VPS16: variants seen among roughly 807,000 people sequenced by gnomAD.
VPS16 encodes vacuolar protein sorting-associated protein 16 homolog.
In VPS16, 82 loss-of-function variants were observed where a neutral mutation model predicts 116.0. The ratio of observed to expected loss-of-function variants is 0.71; its 90% CI spans 0.59 to 0.85. VPS16 has a LOEUF of 0.85. VPS16 is among the 40% of genes least tolerant of loss of function. The pLI, the probability that VPS16 is intolerant of heterozygous loss-of-function variation, is 0.00. For synonymous variants in VPS16, 406 were observed against 420.7 expected (o/e 0.96, Z 0.43); for missense variants, 928 against 1,090.6 (o/e 0.85, Z 2.10).
At chr20:2,859,639 G>C in intron 1 of VPS16, 80 bp from the exon 2 acceptor site, 1 of 1,468,790 alleles carries the variant, frequency 6.8e-7, no homozygotes, top group African/African-American at 1.4e-5. Context: ...ACAAATGGAG[G>C]CTTTAGGAAT....
rs746215116 is a variant in VPS16, at chr20:2,862,846, C to G, written c.1243C>G (p.Pro415Ala). The G allele has an allele frequency of 1.2e-6, 2 of 1,614,016 alleles. No homozygotes were observed. The highest frequency in any genetic ancestry group is 3.3e-5 in the Admixed American group (2 of 60,010). ...AAAGTGTTTCCTGGACAGATTTCCA[C>G]CCGACAGCTTCGTGCACATGTGTCA... ...FGKCFLDRFP[P>A]DSFVHMCQDL... is the part of the protein sequence containing the mutation. The change falls in exon 13 of 24, where the codon CCC becomes GCC. Residue 415 changes from proline (P) to alanine (A), a missense_variant. Coordinates refer to ENST00000380445, the MANE Select transcript of VPS16 (RefSeq NM_022575.4).
At position 2,863,478 on chromosome 20, in the gene VPS16, C is replaced by G. The variant is rs983671901; in HGVS notation, c.1476+80C>G. 2.8e-6 allele frequency: 4 copies of G among 1,419,024 alleles called. No homozygotes were observed. The African/African-American group carries it at 5.6e-5, about 20-fold the overall frequency. 87.9% of individuals were successfully genotyped at this position (1,419,024 alleles called of 1,614,324 possible). A position where few individuals can be genotyped will look rare whatever the true frequency, so the allele number is the denominator to read the frequency against. On this transcript the variant is annotated intron_variant, in intron 15 of 23. Transcript: ENST00000380445. This position sits in a 1 kb window ranked among gnomAD's most constrained non-coding sequence, Gnocchi z 4.4. The stretch of plus-strand genomic sequence containing the variant: ...GGTGGAGGAAATAGAAAGTGTAGAA[C>G]TGCGCTGGGCACGGTGGCTCATGCC...
chr20:2,860,813 G>T lies in VPS16; in HGVS notation c.580G>T (p.Ala194Ser). The T allele has an allele frequency of 6.2e-7, 1 of 1,614,074 alleles. No homozygotes were observed. Residue 194 changes from alanine (A) to serine (S), a missense_variant, in exon 6 of 24, where the codon GCT becomes TCT. Coordinates refer to ENST00000380445, the MANE Select transcript of VPS16 (RefSeq NM_022575.4). This position sits in a 1 kb window ranked among gnomAD's most constrained non-coding sequence, Gnocchi z 6.1. ...CQDRVAHILL[A>S]VGPDLYLLDH... ...GGACCGAGTGGCACACATTCTTCTGGCTGTGGGGCCTGACCTTTACCTCTT... is the reference window on the plus strand; with the variant it reads ...GGACCGAGTGGCACACATTCTTCTGTCTGTGGGGCCTGACCTTTACCTCTT...
At chr20:2,848,705 G>A (rs748896284) in intron 1 of VPS16, among the ~76,000 whole-genome samples, 3 of 152,204 alleles carry the variant, frequency 2.0e-5, no homozygotes, top group Non-Finnish European at 4.4e-5. Context: ...TCTTTGCTAT[G>A]AAATGAGGTC....
chr20:2,860,505 CG>C lies in VPS16; in HGVS notation c.428del (p.Gly143GlufsTer68). The C allele has an allele frequency of 6.2e-7, 1 of 1,613,988 alleles. No individual in the cohort carries two copies. Among genetic ancestry groups the C allele is most frequent in the Non-Finnish European group, 8.5e-7 (1 of 1,180,008 alleles). ...GGATCTTTCACACTGAGTTTGGTTC[CG>C]GAGTGGCCATCCTCACAGGGGCCCA... ...ARIFHTEFGSGVAILTGAHRF... is the reference protein window; with the variant it reads ...ARIFHTEFGSXVAILTGAHRF... On this transcript the variant is annotated frameshift_variant, in exon 5 of 24. Transcript: ENST00000380445. LOFTEE classifies it high-confidence loss of function. The surrounding 1 kb of genome is among the most constrained non-coding windows in gnomAD (Gnocchi z 6.1).
chr20:2,854,795 C>CAAAA (rs200987248), intron 1 of VPS16, among the ~76,000 whole-genome samples: 1 of 130,916 alleles, frequency 7.6e-6, no homozygotes, highest in Non-Finnish European at 1.6e-5. Context: ...GACTCCATCT[C>CAAAA]AAAAAAAAAA....
At chr20:2,843,222 A>C (rs1295371105) in intron 1 of VPS16, among the ~76,000 whole-genome samples, 1 of 151,980 alleles carries the variant, frequency 6.6e-6, no homozygotes, top group African/African-American at 2.4e-5. Flanking sequence ...TCACGAGGTC[A>C]AGAGTTCGAG....
intron 1 of VPS16, among the ~76,000 whole-genome samples, chr20:2,842,647 G>GATATAGATAGATATATAGATGTATCTAT (rs2088993528): frequency 2.3e-5 from 2 of 86,332 alleles, no homozygotes; most frequent in African/African-American, 5.1e-5. Context: ...TAGATAGATA[G>GATATAGATAGATATATAGATGTATCTAT]ATATAGATAG....
intron 1 of VPS16, among the ~76,000 whole-genome samples, chr20:2,859,067 G>A (rs1432236184): frequency 6.6e-6 from 1 of 152,146 alleles, no homozygotes; most frequent in Admixed American, 6.5e-5. Flanking sequence ...GGAGGCCAGG[G>A]TAGGAGGATT....
rs1450722437 is a variant in VPS16 at position 2,864,965 on chromosome 20, C to A, written c.1927-13C>A. The A allele has an allele frequency of 1.9e-6, 3 of 1,614,184 alleles. No individual in the cohort carries two copies. The highest frequency in any genetic ancestry group is 1.7e-6 in the Non-Finnish European group (2 of 1,180,024). On this transcript the variant is annotated splice_polypyrimidine_tract_variant and intron_variant, in intron 19 of 23. Coordinates refer to ENST00000380445, the MANE Select transcript of VPS16 (RefSeq NM_022575.4). The surrounding 1 kb of genome is among the most constrained non-coding windows in gnomAD (Gnocchi z 5.2). Reference sequence around the variant, plus strand: ...CATGCTGTGAGTTCAGGCCTTCCTTCTTGTCTTTATAGCGTATTGAGGGGC... The same window carrying A: ...CATGCTGTGAGTTCAGGCCTTCCTTATTGTCTTTATAGCGTATTGAGGGGC...
chr20:2,865,308 C>T lies in VPS16; in HGVS notation c.2165C>T (p.Pro722Leu). The part of the protein sequence containing the change: ...AEQLARDFRI[P>L]DKRLWWLKLT... ...CAGCTGGCACGTGACTTCCGCATCC[C>T]TGACAAGAGGTAGGTGAGGGCCCAG... Residue 722 changes from proline (P) to leucine (L), a missense_variant, in exon 21 of 24, where the codon CCT (proline) becomes CTT (leucine). Coordinates refer to ENST00000380445, the MANE Select transcript of VPS16 (RefSeq NM_022575.4). This position sits in a 1 kb window ranked among gnomAD's most constrained non-coding sequence, Gnocchi z 5.2. 1.2e-6 allele frequency: 2 copies of T among 1,614,184 alleles called. No individual in the cohort carries two copies. The highest frequency in any genetic ancestry group is 1.1e-5 in the South Asian group (1 of 91,084).
In VPS16 at chr20:2,865,417, G is replaced by A. The variant is rs1568630979; in HGVS notation, c.2193G>A (p.Leu731=). The change falls in exon 22 of 24, where the codon CTG becomes CTA. Residue 731 remains leucine, a synonymous_variant. Coordinates refer to ENST00000380445, the MANE Select transcript of VPS16 (RefSeq NM_022575.4). The surrounding 1 kb of genome is among the most constrained non-coding windows in gnomAD (Gnocchi z 5.2). The part of the protein sequence containing the change: ...IPDKRLWWLK[L]TALADLEDWE... ...CCTGCAGGCTCTGGTGGCTGAAGCT[G>A]ACTGCCCTGGCAGATTTGGAAGATT... The A allele has an allele frequency of 1.2e-6, 2 of 1,614,168 alleles. No individual in the cohort carries two copies. The highest frequency in any genetic ancestry group is 1.3e-5 in the African/African-American group (1 of 75,058).
At chr20:2,852,779 G>C (rs1185396105) in intron 1 of VPS16, among the ~76,000 whole-genome samples, 1 of 152,192 alleles carries the variant, frequency 6.6e-6, no homozygotes, top group Non-Finnish European at 1.5e-5. Flanking sequence ...GCAACGTGTA[G>C]TATTTGTGCT....
At chr20:2,854,869 G>T (rs1053175298) in intron 1 of VPS16, among the ~76,000 whole-genome samples, 2 of 151,706 alleles carry the variant, frequency 1.3e-5, no homozygotes, top group African/African-American at 2.4e-5. Flanking sequence ...CACAATGGAT[G>T]TTGTGTTAGA....
At chr20:2,843,354 C>G (rs2089028504) in intron 1 of VPS16, among the ~76,000 whole-genome samples, 1 of 151,910 alleles carries the variant, frequency 6.6e-6, no homozygotes, top group Admixed American at 6.6e-5. Flanking sequence ...ATTGCTTGAA[C>G]CTGGGAGGCG....
chr20:2,865,207 G>A lies in VPS16; in HGVS notation c.2064G>A (p.Gly688=), dbSNP rs749553326. ...AGCGGCGCCTAGAAGACGAGCTGGG[G>A]GGCCAGTTCCTAGACCTGTCTCTAC... is the stretch of plus-strand genomic sequence containing the variant. The part of the protein sequence containing the change: ...RLQRRLEDEL[G]GQFLDLSLHD... Residue 688 remains glycine, a synonymous_variant, in exon 21 of 24, where the codon GGG becomes GGA. Transcript: ENST00000380445. This position sits in a 1 kb window ranked among gnomAD's most constrained non-coding sequence, Gnocchi z 5.2. The A allele has an allele frequency of 3.1e-6, 5 of 1,614,140 alleles. No homozygotes were observed. In the Admixed American group the frequency reaches 6.7e-5, roughly 22 times the overall value.
rs368657435 is a variant in VPS16 at position 2,863,128 on chromosome 20, C to T, written c.1367+28C>T. 6.4e-5 allele frequency: 104 copies of T among 1,613,248 alleles called. No homozygotes were observed. The highest frequency in any genetic ancestry group is 1.7e-4 in the African/African-American group (13 of 74,748). On this transcript the variant is annotated intron_variant, in intron 14 of 23. Coordinates refer to ENST00000380445, the MANE Select transcript of VPS16 (RefSeq NM_022575.4). This position sits in a 1 kb window ranked among gnomAD's most constrained non-coding sequence, Gnocchi z 4.4. ...AGGGTAAGCCCAAGGGTGCAGTGAG[C>T]GGGCTGTCAGGGGGGTGGGCATTAC...
At position 2,861,077 on chromosome 20, in the gene VPS16, G is replaced by A. The variant is rs747158866; in HGVS notation, c.738G>A (p.Gly246=). ...CAGACACAGGCTACATCTGGATGGG[G>A]ACAGCATCACTCAAGGTATGATCCT... ...LFTDTGYIWM[G]TASLKEKLCE... Residue 246 remains glycine (G), a synonymous_variant, in exon 7 of 24, where the codon GGG becomes GGA. Transcript: ENST00000380445. 31 of 1,614,072 alleles carry A rather than the reference G, an allele frequency of 1.9e-5. No individual in the cohort carries two copies. Among genetic ancestry groups the A allele is most frequent in the Middle Eastern group, 1.6e-4 (1 of 6,084 alleles).
At chr20:2,843,374 G>C (rs2089028799) in intron 1 of VPS16, among the ~76,000 whole-genome samples, 1 of 151,956 alleles carries the variant, frequency 6.6e-6, no homozygotes, top group Non-Finnish European at 1.5e-5. Flanking sequence ...GGAGGTTGCG[G>C]TGAGCCAAGA....
Sources: allele counts gnomAD v4.1 joint callset (sites outside exome capture counted in the v4.1 genomes callset), GRCh38; gene constraint gnomAD v4.1.1; non-coding constraint Gnocchi (gnomAD v3.1); transcripts MANE v1.5; gene names NCBI Gene and HGNC (gene_info 2026-07-23, HGNC 2026-07-21).